The following COL6A2 variants were observed in gnomAD, a reference collection of about 807,000 sequenced individuals.
The protein encoded by COL6A2 is collagen alpha-2(VI) chain.
A neutral mutation model predicts 124.9 loss-of-function variants in COL6A2; 90 were observed. That is an observed-to-expected ratio of 0.72 (90% CI 0.61 to 0.86). COL6A2 has a LOEUF of 0.86. Among genes scored for constraint, COL6A2 ranks in the 40% least tolerant of loss-of-function variants. The pLI is 0.00. For synonymous variants in COL6A2, 793 were observed against 618.2 expected, an observed-to-expected ratio of 1.28 and a Z score of -4.19; for missense variants, 1,607 against 1,502.5, an observed-to-expected ratio of 1.07 and a Z score of -1.15.
Position 46,116,535 on chromosome 21 carries a change from CTCCTGGGGGG to C in COL6A2, c.928-110_928-101del, listed in dbSNP as rs1016125221. The C allele has an allele frequency of 5.3e-5, 84 of 1,575,354 alleles. No homozygotes were observed. The Middle Eastern group carries it at 7.3e-4, about 14-fold the overall frequency. ...CTTTTCTCAGTGGTGGCTTTGGGGG[CTCCTGGGGGG>C]TCCTGTGGCCTTGAGTTTGGCCCAA... On this transcript the variant is annotated intron_variant, in intron 8 of 27. Transcript: ENST00000300527. The surrounding 1 kb of genome is among the most constrained non-coding windows in gnomAD (Gnocchi z 4.6).
Position 46,118,643 on chromosome 21 carries a change from G to T in COL6A2, c.1146G>T (p.Gly382=). The change falls in exon 13 of 28, where the codon GGG becomes GGT. Residue 382 remains glycine (G), a synonymous_variant. Coordinates refer to ENST00000300527, the MANE Select transcript of COL6A2 (RefSeq NM_001849.4). ...ACCCTGGCCGCCCAGGACGCAGAGG[G>T]CCCCCGGGAGAAATCGGGGCCAAGG... ...KGDPGRPGRR[G]PPGEIGAKGS... 6.2e-7 allele frequency: 1 copy of T among 1,612,424 alleles called. No individual in the cohort carries two copies. Among genetic ancestry groups the T allele is most frequent in the Non-Finnish European group, 8.5e-7 (1 of 1,179,846 alleles).
rs2078546914 is a variant in COL6A2, at chr21:46,120,498, C to T, written c.1333-17C>T. ...GCCTCAGCTGAGACCCGTGGGGCCT[C>T]CCTTCCCTTCCCACAGGGGGACCCT... On this transcript the variant is annotated splice_polypyrimidine_tract_variant and intron_variant, in intron 15 of 27. Coordinates refer to ENST00000300527, the MANE Select transcript of COL6A2 (RefSeq NM_001849.4). 6.6e-7 allele frequency: 1 copy of T among 1,522,768 alleles called. No homozygotes were observed. The highest frequency in any genetic ancestry group is 1.4e-5 in the African/African-American group (1 of 71,384). 94.3% of individuals were successfully genotyped at this position (1,522,768 alleles called of 1,614,324 possible).
chr21:46,099,281 G>T (rs1020744059), intron 1 of COL6A2: 3 of 152,088 alleles, frequency 2.0e-5, no homozygotes, highest in African/African-American at 7.3e-5. Flanking sequence ...GTGAAACCCC[G>T]TCTCTACTAA....
chr21:46,110,777 A>G lies in COL6A2; in HGVS notation c.-27-673A>G, dbSNP rs36162490. ...GCCAGCCCCACTCTGCGGAGCCAGC[A>G]GCACAGTGAGGCCCGTCCTGATGGC... On this transcript the variant is annotated intron_variant, in intron 1 of 27. Coordinates refer to ENST00000300527, the MANE Select transcript of COL6A2 (RefSeq NM_001849.4). Among the ~76,000 whole-genome samples, 241 of 149,070 alleles carry G rather than the reference A, an allele frequency of 1.6e-3. 1 individual carries two copies. Among genetic ancestry groups the G allele is most frequent in the African/African-American group, 5.1e-3 (207 of 40,818 alleles).
chr21:46,126,584 C>G lies in COL6A2; in HGVS notation c.2461+43C>G, dbSNP rs1449231124. 6 of 1,611,830 alleles carry G rather than the reference C, an allele frequency of 3.7e-6. No homozygotes were observed. In the East Asian group the frequency reaches 1.1e-4, roughly 30 times the overall value. On this transcript the variant is annotated intron_variant, in intron 27 of 27. Coordinates refer to ENST00000300527, the MANE Select transcript of COL6A2 (RefSeq NM_001849.4). ...GAGCCACCACCCCAGACTAGCAAAG[C>G]AGCCCTGGTGTCCTTCCTCCTCGAG...
At chr21:46,114,657 G>C (rs2123622597) in intron 5 of COL6A2, among the ~76,000 whole-genome samples, 1 of 152,316 alleles carries the variant, frequency 6.6e-6, no homozygotes. Context: ...TAATATGATT[G>C]CTCATTAATA....
chr21:46,124,317 A>G (rs1156808698), intron 21 of COL6A2, among the ~76,000 whole-genome samples: 1 of 151,674 alleles, frequency 6.6e-6, no homozygotes, highest in Non-Finnish European at 1.5e-5. Flanking sequence ...GAATGGGTGG[A>G]TGGGTGGGCG....
chr21:46,132,406 A>G lies in COL6A2; in HGVS notation c.2914A>G (p.Thr972Ala), dbSNP rs754429992. 3 of 1,608,748 alleles carry G rather than the reference A, an allele frequency of 1.9e-6. No homozygotes were observed. The highest frequency in any genetic ancestry group is 2.2e-5 in the East Asian group (1 of 44,808). The change falls in exon 28 of 28, where the codon ACC (threonine) becomes GCC (alanine). Residue 972 changes from threonine to alanine, a missense_variant. Coordinates refer to ENST00000300527, the MANE Select transcript of COL6A2 (RefSeq NM_001849.4). ...CATGCGCAAGCAGAACGTGGTACCC[A>G]CCGTGCTGGCCTTGGGCAGCGACGT... ...HSMRKQNVVPTVLALGSDVDM... is the reference protein window; with the variant it reads ...HSMRKQNVVPAVLALGSDVDM...
intron 27 of COL6A2, among the ~76,000 whole-genome samples, chr21:46,127,236 CAG>C (rs1206841542): frequency 1.3e-5 from 2 of 152,110 alleles, no homozygotes; most frequent in Non-Finnish European, 2.9e-5. Context: ...GCCATGGAGA[CAG>C]GGTGGGAGGG....
intron 27 of COL6A2, chr21:46,129,133 G>C: frequency 6.2e-7 from 1 of 1,609,608 alleles, no homozygotes; most frequent in Non-Finnish European, 8.5e-7. Context: ...GGCTGCCCGA[G>C]GAGGAGCTCT....
chr21:46,118,771 A>C, intron 13 of COL6A2, 95 bp downstream of exon 13: 1 of 1,427,658 alleles, frequency 7.0e-7, no homozygotes, highest in South Asian at 1.2e-5. Context: ...CTCTGCTGTC[A>C]CCATGGTGCC....
chr21:46,117,522 G>A (rs1485246618), intron 11 of COL6A2, 69 bp downstream of exon 11: 41 of 1,503,350 alleles, frequency 2.7e-5, no homozygotes, highest in Non-Finnish European at 3.6e-5. Flanking sequence ...GGGTGGGAGG[G>A]TAGTTGCTGC....
chr21:46,132,303 G>C lies in COL6A2; in HGVS notation c.2811G>C (p.Arg937=), dbSNP rs200652329. 11 of 1,606,388 alleles carry C rather than the reference G, an allele frequency of 6.8e-6. No individual in the cohort carries two copies. The highest frequency in any genetic ancestry group is 9.3e-6 in the Non-Finnish European group (11 of 1,179,442). ...AIVRSPRGGA[R]RHAELSFVFL... The stretch of plus-strand genomic sequence containing the variant: ...TGCGCAGCCCGCGTGGCGGGGCCCG[G>C]AGGCACGCAGAGCTGTCCTTCGTGT... Residue 937 remains arginine, a synonymous_variant, in exon 28 of 28, where the codon CGG becomes CGC. Transcript: ENST00000300527.
Position 46,125,580 on chromosome 21 carries a change from G to A in COL6A2, c.1932G>A (p.Arg644=), listed in dbSNP as rs776676512. The change falls in exon 25 of 28, where the codon AGG becomes AGA. Residue 644 remains arginine, a synonymous_variant. Coordinates refer to ENST00000300527, the MANE Select transcript of COL6A2 (RefSeq NM_001849.4). ...EKNFVINVVN[R]LGAIAKDPKS... is the part of the protein sequence containing the mutation. Reference sequence around the variant, plus strand: ...ACTTCGTCATCAACGTGGTCAACAGGCTGGGTGCCATCGCTAAGGACCCCA... The same window carrying A: ...ACTTCGTCATCAACGTGGTCAACAGACTGGGTGCCATCGCTAAGGACCCCA... 8 of 1,612,882 alleles carry A rather than the reference G, an allele frequency of 5.0e-6. No individual in the cohort carries two copies. Among genetic ancestry groups the A allele is most frequent in the Admixed American group, 1.7e-5 (1 of 60,016 alleles).
intron 14 of COL6A2, 116 bp from the exon 15 acceptor site, chr21:46,119,672 C>T (rs1227177263): frequency 2.1e-6 from 2 of 960,172 alleles, no homozygotes; most frequent in East Asian, 5.3e-5. Flanking sequence ...TCCCAGGTCC[C>T]AAAGCCAGAG....
chr21:46,118,827 T>G, intron 13 of COL6A2, 151 bp downstream of exon 13: 1 of 1,105,302 alleles, frequency 9.0e-7, no homozygotes, highest in Non-Finnish European at 1.3e-6. Context: ...GAACAGGCCA[T>G]GTGCCCTGAG....
At chr21:46,129,251 G>A (rs768624562) in intron 27 of COL6A2, 31 of 1,612,812 alleles carry the variant, frequency 1.9e-5, no homozygotes, top group Non-Finnish European at 2.4e-5. Context: ...CGGAAGAGGG[G>A]CCGGACGCCA....
Position 46,132,186 on chromosome 21 carries a change from C to G in COL6A2, c.2694C>G (p.Leu898=), listed in dbSNP as rs1432005635. The G allele has an allele frequency of 1.3e-6, 2 of 1,573,974 alleles. No homozygotes were observed. Among genetic ancestry groups the G allele is most frequent in the African/African-American group, 2.7e-5 (2 of 73,826 alleles). Reference sequence around the variant, plus strand: ...TGGCCTTCCCGCTGAGCCACAACCTCACGGCCATCCACGAGGCGCTGGAGA... The same window carrying G: ...TGGCCTTCCCGCTGAGCCACAACCTGACGGCCATCCACGAGGCGCTGGAGA... ...QQVAFPLSHN[L]TAIHEALETT... The change falls in exon 28 of 28, where the codon CTC becomes CTG. Residue 898 remains leucine, a synonymous_variant. Coordinates refer to ENST00000300527, the MANE Select transcript of COL6A2 (RefSeq NM_001849.4).
At position 46,124,623 on chromosome 21, in the gene COL6A2, A is replaced by G. The variant is rs2078630712; in HGVS notation, c.1672-28A>G. 1.9e-6 allele frequency: 3 copies of G among 1,611,650 alleles called. No individual in the cohort carries two copies. The South Asian group carries it at 3.3e-5, about 18-fold the overall frequency. ...GCAGGGACTGTCCCTGGGGCCACTG[A>G]AGCCCACCTGTTCTTGTTCCTTCTC... On this transcript the variant is annotated intron_variant, in intron 21 of 27. Transcript: ENST00000300527.
Sources: gnomAD v4.1 joint callset for allele counts (sites outside exome capture counted in the v4.1 genomes callset) on GRCh38, gnomAD v4.1.1 for gene constraint, Gnocchi (gnomAD v3.1) non-coding constraint, MANE v1.5 for transcripts, NCBI Gene and HGNC (gene_info 2026-07-23, HGNC 2026-07-21) for gene names.